Variants in TMEM164 observed in about 807,000 individuals in gnomAD.
TMEM164 encodes transmembrane protein 164, also known as RP13-360B22.2.
Under a neutral mutation model 18.8 loss-of-function variants are expected in TMEM164, and 4 were observed. The ratio of observed to expected loss-of-function variants is 0.21; its 90% CI spans 0.10 to 0.49. The LOEUF is 0.49. TMEM164 is among the 20% of genes least tolerant of loss of function. The pLI is 0.98. For synonymous variants in TMEM164, 86 were observed against 101.7 expected (o/e 0.85, Z 0.93); for missense variants, 108 against 239.9 (o/e 0.45, Z 3.63).
At chrX:110,144,465 C>A (rs931283459) in intron 4 of TMEM164, among the ~76,000 whole-genome samples, 3 of 111,284 alleles carry the variant, frequency 2.7e-5, no homozygotes, top group African/African-American at 9.8e-5. Flanking sequence ...TCTGTAGGGG[C>A]CACTCAGGTC....
At chrX:110,181,593 AGTT>A (rs1171233698), downstream of TMEM164, among the ~76,000 whole-genome samples, 1 of 113,315 alleles carries the variant, frequency 8.8e-6, no homozygotes, top group Non-Finnish European at 1.9e-5. Flanking sequence ...CCTAAATAAT[AGTT>A]GTTGTCCTGT....
chrX:110,068,368 C>CT (rs1442372241), intron 3 of TMEM164, among the ~76,000 whole-genome samples: 3 of 112,258 alleles, frequency 2.7e-5, no homozygotes, highest in Non-Finnish European at 5.6e-5. Flanking sequence ...TGAACAGCTC[C>CT]TAAAGGAAAG....
chrX:110,138,525 C>T (rs915522166), intron 4 of TMEM164, among the ~76,000 whole-genome samples: 3 of 111,087 alleles, frequency 2.7e-5, no homozygotes, highest in African/African-American at 9.9e-5. Flanking sequence ...GGAATTGGTT[C>T]TTGGCCCCTG....
chrX:110,065,129 T>G (rs1237512220), intron 2 of TMEM164: 1 of 111,193 alleles, frequency 9.0e-6, no homozygotes, highest in African/African-American at 3.3e-5. Context: ...ACCAACTGGG[T>G]TGAAACTGGA....
rs1306355310 is a variant in TMEM164, at chrX:110,112,858, C to A, written c.507+3712C>A. Among the ~76,000 whole-genome samples the A allele has an allele frequency of 3.6e-5, 4 of 111,536 alleles. No individual in the cohort carries two copies. In the East Asian group the frequency reaches 1.1e-3, roughly 31 times the overall value. On this transcript the variant is annotated intron_variant, in intron 4 of 6. Transcript: ENST00000372068. ...GCCCACTGTAATGGCCTCCTTTGAA[C>A]CTAATCACCTCTTTGAAGGCCCTTT...
chrX:110,019,535 G>A (rs1933681615), intron 2 of TMEM164, among the ~76,000 whole-genome samples: 1 of 111,663 alleles, frequency 9.0e-6, no homozygotes, highest in Admixed American at 9.5e-5. Flanking sequence ...AATGATACAA[G>A]TAAAATACAT....
intron 2 of TMEM164, among the ~76,000 whole-genome samples, chrX:110,031,455 G>T (rs970637843): frequency 9.0e-6 from 1 of 110,680 alleles, no homozygotes; most frequent in African/African-American, 3.3e-5. Context: ...AAGTAGCTGG[G>T]ACTACAGATG....
At chrX:110,166,117 C>G (rs991638140) in intron 5 of TMEM164, among the ~76,000 whole-genome samples, 1 of 111,505 alleles carries the variant, frequency 9.0e-6, no homozygotes, top group Non-Finnish European at 1.9e-5. Flanking sequence ...CTCTCCTTTC[C>G]AGTAACGCAG....
chrX:110,136,783 G>A (rs186531945), intron 4 of TMEM164, among the ~76,000 whole-genome samples: 5 of 111,491 alleles, frequency 4.5e-5, no homozygotes, highest in East Asian at 2.8e-4. Flanking sequence ...CAGTCCTCTC[G>A]CTGTCTAGTG....
chrX:110,103,514 C>T (rs1569329878), intron 3 of TMEM164, among the ~76,000 whole-genome samples: 1 of 110,334 alleles, frequency 9.1e-6, no homozygotes, highest in East Asian at 2.9e-4. Context: ...GGAATATAGC[C>T]TCCTGGGGTA....
chrX:110,134,858 AATC>A (rs780253263), intron 4 of TMEM164, among the ~76,000 whole-genome samples: 10 of 110,927 alleles, frequency 9.0e-5, no homozygotes, highest in African/African-American at 3.3e-4. Context: ...AATTAACACT[AATC>A]ATCATTAATA....
chrX:110,137,989 G>T (rs765460458), intron 4 of TMEM164, among the ~76,000 whole-genome samples: 1 of 112,072 alleles, frequency 8.9e-6, no homozygotes, highest in South Asian at 3.7e-4. Flanking sequence ...AAGTTACCCT[G>T]GTAGTCATCT....
rs766595201 is a variant in TMEM164 at position 110,146,165 on chromosome X, C to G, written c.586+1289C>G. Reference sequence around the variant, plus strand: ...TAATATTAAGTCTCAGAAATACACACATTCTGAATAGAACCAGGCAGATAG... The same window carrying G: ...TAATATTAAGTCTCAGAAATACACAGATTCTGAATAGAACCAGGCAGATAG... On this transcript the variant is annotated intron_variant, in intron 5 of 6. Coordinates refer to ENST00000372068, the MANE Select transcript of TMEM164 (RefSeq NM_032227.4). 1.6e-4 allele frequency among the ~76,000 whole-genome samples: 18 copies of G among 112,539 alleles called. 1 individual carries two copies. The South Asian group carries it at 6.2e-3, about 39-fold the overall frequency.
chrX:110,176,022 T>C lies in TMEM164; in HGVS notation c.*2571T>C, dbSNP rs2067285485. ...CACCCAGTGGCCAGTGGGGCTGTCT[T>C]CCCAGCTCCTCCTCAGGGCTTTCCT... is the stretch of plus-strand genomic sequence containing the variant. On this transcript the variant is annotated 3_prime_UTR_variant, in exon 7 of 7. Transcript: ENST00000372068. 5 of 756,491 alleles carry C rather than the reference T, an allele frequency of 6.6e-6. No homozygotes were observed. The highest frequency in any genetic ancestry group is 7.8e-6 in the Non-Finnish European group (5 of 639,620). 62.3% of individuals were successfully genotyped at this position (756,491 alleles called of 1,213,427 possible).
chrX:110,004,396 G>A (rs1932545382), intron 2 of TMEM164, among the ~76,000 whole-genome samples: 2 of 111,204 alleles, frequency 1.8e-5, no homozygotes, highest in Admixed American at 9.5e-5. Context: ...CCCTAGGAAC[G>A]ACTGGCACTC....
chrX:110,176,264 C>G lies in TMEM164; in HGVS notation c.*2813C>G, dbSNP rs1480032440. 7.9e-6 allele frequency: 6 copies of G among 754,915 alleles called. No homozygotes were observed. The highest frequency in any genetic ancestry group is 9.4e-6 in the Non-Finnish European group (6 of 639,381). 62.2% of individuals were successfully genotyped at this position (754,915 alleles called of 1,213,427 possible). A position where few individuals can be genotyped will look rare whatever the true frequency, so the allele number is the denominator to read the frequency against. The stretch of plus-strand genomic sequence containing the variant: ...AGCTGGCCAACTTGTGGCATCCACT[C>G]CAAATAGCAGAGACCCAGTCACGCC... On this transcript the variant is annotated 3_prime_UTR_variant, in exon 7 of 7. Transcript: ENST00000372068.
Position 110,173,517 on chromosome X carries a change from C to A in TMEM164, c.*66C>A. The A allele has an allele frequency of 1.0e-6, 1 of 967,697 alleles. No individual in the cohort carries two copies. The allele number at this position is 967,697 out of a possible 1,213,427, so 79.7% of individuals were successfully genotyped here. A position where few individuals can be genotyped will look rare whatever the true frequency, so the allele number is the denominator to read the frequency against. On this transcript the variant is annotated 3_prime_UTR_variant, in exon 7 of 7. Coordinates refer to ENST00000372068, the MANE Select transcript of TMEM164 (RefSeq NM_032227.4). ...GTCGTGACTTGACTTGGAGAACACC[C>A]AGTTCTTGATAAAATCATGGGAGAG...
At position 110,003,965 on chromosome X, in the gene TMEM164, C is replaced by T. The variant is rs1487199000; in HGVS notation, c.191C>T (p.Thr64Met). 4.1e-6 allele frequency: 5 copies of T among 1,209,297 alleles called. No individual in the cohort carries two copies. Among genetic ancestry groups the T allele is most frequent in the Non-Finnish European group, 5.6e-6 (5 of 894,990 alleles). The change falls in exon 2 of 7, where the codon ACG (threonine) becomes ATG (methionine). Residue 64 changes from threonine to methionine, a missense_variant. By Grantham distance (81) the Thr-to-Met change is moderately conservative. Transcript: ENST00000372068. ...LVALRHILRQTKEDGRGSPGS... is the reference protein window; with the variant it reads ...LVALRHILRQMKEDGRGSPGS... ...GCCCTGCGGCACATCCTGAGGCAGACGAAGGAGGACGGTAGGGGTAGCCCT... is the reference window on the plus strand; with the variant it reads ...GCCCTGCGGCACATCCTGAGGCAGATGAAGGAGGACGGTAGGGGTAGCCCT...
At chrX:110,126,228 C>T in intron 4 of TMEM164, among the ~76,000 whole-genome samples, 1 of 112,027 alleles carries the variant, frequency 8.9e-6, no homozygotes, top group Middle Eastern at 4.6e-3. Flanking sequence ...TATAGCTGCC[C>T]TCTGGGGACA....
Sources: allele counts gnomAD v4.1 joint callset (sites outside exome capture counted in the v4.1 genomes callset), GRCh38; gene constraint gnomAD v4.1.1; transcripts MANE v1.5; gene names NCBI Gene and HGNC (gene_info 2026-07-23, HGNC 2026-07-21).